Variants in DNAH11 observed in about 807,000 individuals in gnomAD.
DNAH11 encodes the protein axonemal beta dynein heavy chain 11.
A neutral mutation model predicts 526.0 loss-of-function variants in DNAH11; 442 were observed. That is an observed-to-expected ratio of 0.84 (90% CI 0.78 to 0.91). The LOEUF (loss-of-function observed/expected upper bound fraction) is 0.91, where lower values mean the gene tolerates loss of function less well. DNAH11 is among the 40% of genes least tolerant of loss of function. The probability of loss-of-function intolerance (pLI) is 0.00; values close to 1 mark genes in which losing one functional copy is unlikely to be tolerated. For synonymous variants in DNAH11, 2,461 were observed against 1,935.9 expected (o/e 1.27, Z -7.12); for missense variants, 6,989 against 5,448.7 (o/e 1.28, Z -8.90).
chr7:21,760,683 C>A (rs962046122), intron 54 of DNAH11, among the ~76,000 whole-genome samples: 3 of 152,176 alleles, frequency 2.0e-5, no homozygotes. Context: ...GTCTACCATC[C>A]ATGATGCTGC....
intron 2 of DNAH11, among the ~76,000 whole-genome samples, chr7:21,557,972 T>A (rs1365285166): frequency 6.6e-6 from 1 of 152,228 alleles, no homozygotes; most frequent in Admixed American, 6.5e-5. Flanking sequence ...GACATTTGTT[T>A]GAACACCATT....
At chr7:21,636,392 A>G (rs967470664) in intron 26 of DNAH11, among the ~76,000 whole-genome samples, 3 of 152,178 alleles carry the variant, frequency 2.0e-5, no homozygotes, top group Non-Finnish European at 2.9e-5. Flanking sequence ...TGAATTTCAC[A>G]TAGTTATCAT....
chr7:21,846,755 C>T (rs1782436915), intron 66 of DNAH11, among the ~76,000 whole-genome samples: 1 of 152,088 alleles, frequency 6.6e-6, no homozygotes, highest in South Asian at 2.1e-4. Flanking sequence ...CCCTCTGCTT[C>T]TATTTTCTAG....
intron 35 of DNAH11, among the ~76,000 whole-genome samples, chr7:21,691,490 C>G (rs1177286255): frequency 2.0e-5 from 3 of 152,066 alleles, no homozygotes; most frequent in Non-Finnish European, 2.9e-5. Context: ...CTAGCCCACT[C>G]TAGCCGCAGG....
chr7:21,789,808 T>TCTTTCTTTTTCTTTCTTTTTTCTTTC, intron 61 of DNAH11, among the ~76,000 whole-genome samples: 1 of 34,084 alleles, frequency 2.9e-5, no homozygotes, highest in African/African-American at 7.9e-5. Flanking sequence ...TTTCTTTCTT[T>TCTTTCTTTTTCTTTCTTTTTTCTTTC]TTTCTTTCTT....
intron 73 of DNAH11, among the ~76,000 whole-genome samples, chr7:21,870,359 T>C (rs1273306926): frequency 6.6e-6 from 1 of 152,196 alleles, no homozygotes; most frequent in African/African-American, 2.4e-5. Context: ...GGCTTATGAT[T>C]GCAGGAATGT....
intron 28 of DNAH11, among the ~76,000 whole-genome samples, chr7:21,646,780 G>C (rs1461173436): frequency 6.6e-6 from 1 of 152,144 alleles, no homozygotes; most frequent in Non-Finnish European, 1.5e-5. Flanking sequence ...CACTGCTCTA[G>C]TCCCACCAAA....
At chr7:21,812,502 A>C (rs894908286) in intron 63 of DNAH11, among the ~76,000 whole-genome samples, 19 of 123,390 alleles carry the variant, frequency 1.5e-4, no homozygotes, top group Non-Finnish European at 2.2e-4. Context: ...GACACTATCT[A>C]TATGAAAAAA....
intron 65 of DNAH11, among the ~76,000 whole-genome samples, chr7:21,840,431 TAATG>T (rs1339621415): frequency 1.3e-5 from 2 of 152,196 alleles, no homozygotes; most frequent in South Asian, 2.1e-4. Flanking sequence ...ATACACTTAA[TAATG>T]AAGAATCCAA....
At chr7:21,851,062 C>G (rs1782613111) in intron 66 of DNAH11, 1 of 152,564 alleles carries the variant, frequency 6.6e-6, no homozygotes, top group African/African-American at 2.4e-5. Context: ...TCTGCCTTCC[C>G]CAGTGATATG....
rs376842796 is a variant in DNAH11 at position 21,632,859 on chromosome 7, C to G, written c.4501-3012C>G. 1.1e-4 allele frequency among the ~76,000 whole-genome samples: 17 copies of G among 152,268 alleles called. No individual in the cohort carries two copies. The East Asian group carries it at 1.5e-3, about 14-fold the overall frequency. On this transcript the variant is annotated intron_variant, in intron 25 of 81. Coordinates refer to ENST00000409508, the MANE Select transcript of DNAH11 (RefSeq NM_001277115.2). ...ATTTTCGGGTGTCTTTTCAATAGCA[C>G]CCCACCCTATTGGTACCAATTTACT...
intron 35 of DNAH11, 133 bp downstream of exon 35, chr7:21,691,014 T>A (rs1783594001): frequency 1.5e-6 from 1 of 651,994 alleles, no homozygotes. Context: ...TTGGGCTCCT[T>A]TTATAGACAG....
intron 65 of DNAH11, among the ~76,000 whole-genome samples, chr7:21,826,358 T>G (rs115087697): frequency 6.6e-6 from 1 of 152,096 alleles, no homozygotes; most frequent in African/African-American, 2.4e-5. Flanking sequence ...AAATAAAAAT[T>G]AGATTGGTAT....
intron 2 of DNAH11, among the ~76,000 whole-genome samples, chr7:21,549,106 T>A (rs367581158): frequency 6.6e-6 from 1 of 152,172 alleles, no homozygotes; most frequent in African/African-American, 2.4e-5. Context: ...CTCGAACTCC[T>A]GACCTCAGGT....
chr7:21,593,607 T>C (rs1057431651), intron 14 of DNAH11, among the ~76,000 whole-genome samples: 4 of 152,106 alleles, frequency 2.6e-5, no homozygotes, highest in Admixed American at 6.6e-5. Context: ...AAGGTGTCTT[T>C]AGACAGGAGC....
At chr7:21,730,773 A>C (rs1400824845) in intron 45 of DNAH11, among the ~76,000 whole-genome samples, 3 of 152,180 alleles carry the variant, frequency 2.0e-5, no homozygotes, top group African/African-American at 7.2e-5. Flanking sequence ...GTACATGGTG[A>C]CTGTAATTAA....
intron 38 of DNAH11, among the ~76,000 whole-genome samples, chr7:21,704,967 G>C (rs190791087): frequency 2.0e-5 from 3 of 152,266 alleles, no homozygotes; most frequent in African/African-American, 7.2e-5. Flanking sequence ...AAAATCATTA[G>C]TGCCTGCTTT....
In DNAH11 at chr7:21,574,244, C is replaced by G. The variant is rs140022790; in HGVS notation, c.1593+2271C>G. ...TTTCTGTGGTGTTTCTTGATGAAAT[C>G]CCTCAGATACCTAAGCAAAGATGGT... On this transcript the variant is annotated intron_variant, in intron 8 of 81. Coordinates refer to ENST00000409508, the MANE Select transcript of DNAH11 (RefSeq NM_001277115.2). Among the ~76,000 whole-genome samples, 79 of 152,244 alleles carry G rather than the reference C, an allele frequency of 5.2e-4. 4 individuals carry two copies. In the East Asian group the frequency reaches 0.013, roughly 26 times the overall value.
intron 42 of DNAH11, among the ~76,000 whole-genome samples, chr7:21,717,503 C>T (rs1351481527): frequency 1.3e-5 from 2 of 152,178 alleles, no homozygotes; most frequent in Middle Eastern, 3.4e-3. Flanking sequence ...CATAAATGCT[C>T]GGTAATGGTC....
Sources: gnomAD v4.1 joint callset for allele counts (sites outside exome capture counted in the v4.1 genomes callset) on GRCh38, gnomAD v4.1.1 for gene constraint, MANE v1.5 for transcripts, NCBI Gene and HGNC (gene_info 2026-07-23, HGNC 2026-07-21) for gene names.